PDE4DIP: variants seen among roughly 807,000 people sequenced by gnomAD.
PDE4DIP encodes phosphodiesterase 4D interacting protein.
PDE4DIP carries 59 observed loss-of-function variants against 221.4 expected under a neutral mutation model. The ratio of observed to expected loss-of-function variants is 0.27; its 90% CI spans 0.22 to 0.33. PDE4DIP has a LOEUF of 0.33. Ranked by LOEUF, PDE4DIP falls within the 10% of genes least tolerant of loss-of-function variation. The pLI, the probability that PDE4DIP is intolerant of heterozygous loss-of-function variation, is 1.00. For missense variants in PDE4DIP, 1,036 were observed against 2,154.2 expected (o/e 0.48, Z 10.28); for synonymous variants, 404 against 815.9 (o/e 0.50, Z 8.60).
chr1:148,918,654 CA>C (rs2044702690), intron 1 of PDE4DIP, among the ~76,000 whole-genome samples: 1 of 137,832 alleles, frequency 7.3e-6, no homozygotes, highest in Non-Finnish European at 1.6e-5. Context: ...CACACACACA[CA>C]CACCCTAGCT....
At chr1:149,005,152 G>T in exon 27 of PDE4DIP, 1 of 1,614,012 alleles carries the variant, frequency 6.2e-7, no homozygotes. Flanking sequence ...AACCTCAAGA[G>T]CCGGGTCCGG....
intron 2 of PDE4DIP, 85 bp downstream of exon 5, chr1:148,929,358 C>A: frequency 6.9e-7 from 1 of 1,445,098 alleles, no homozygotes; most frequent in South Asian, 1.3e-5. Flanking sequence ...AATTCCTTAA[C>A]CTATCTGTGG....
In PDE4DIP at chr1:148,818,323, G is replaced by A. The variant is rs1668291702; in HGVS notation, c.233+9586G>A. The stretch of plus-strand genomic sequence containing the variant: ...CACACATTAAACATTTTACATATTG[G>A]GTGTTAGATAGTTTTGCATTCCCAT... On this transcript the variant is annotated intron_variant, in intron 1 of 45. Coordinates refer to the PDE4DIP transcript ENST00000524974. Among the ~76,000 whole-genome samples, 2 of 94,986 alleles carry A rather than the reference G, an allele frequency of 2.1e-5. 1 individual carries two copies. Among genetic ancestry groups the A allele is most frequent in the African/African-American group, 9.9e-5 (2 of 20,106 alleles). The allele number at this position is 94,986 out of a possible 152,430, so 62.3% of individuals were successfully genotyped here.
chr1:148,960,733 C>T (rs2056722772), exon 6 of PDE4DIP: 1 of 533,616 alleles, frequency 1.9e-6, no homozygotes, highest in Non-Finnish European at 3.2e-6. Flanking sequence ...GTATCTGATT[C>T]CCACTTGGCA....
intron 5 of PDE4DIP, among the ~76,000 whole-genome samples, chr1:148,949,222 A>G (rs1379450458): frequency 2.0e-5 from 3 of 151,784 alleles, no homozygotes; most frequent in African/African-American, 7.3e-5. Flanking sequence ...AGTATGTAAT[A>G]CATAATGTAA....
At position 148,916,276 on chromosome 1, in the gene PDE4DIP, ACTC is replaced by A. The variant is rs1308166540; in HGVS notation, c.142-12918_142-12916del. Among the ~76,000 whole-genome samples, 11 of 99,978 alleles carry A rather than the reference ACTC, an allele frequency of 1.1e-4. No individual in the cohort carries two copies. In the Admixed American group the frequency reaches 1.3e-3, roughly 12 times the overall value. The allele number at this position is 99,978 out of a possible 152,430, so 65.6% of individuals were successfully genotyped here. A position where few individuals can be genotyped will look rare whatever the true frequency, so the allele number is the denominator to read the frequency against. ...TTCTTTTGTTGTAGTTAGTCTTTGA[ACTC>A]CTGTGCGTGCTAAGTCTGAAATCCT... On this transcript the variant is annotated intron_variant, in intron 1 of 43. Coordinates refer to ENST00000369354, the Ensembl canonical transcript of PDE4DIP.
Position 148,918,541 on chromosome 1 carries a change from T to C in PDE4DIP, c.142-10656T>C, listed in dbSNP as rs1212556930. Among the ~76,000 whole-genome samples, 478 of 129,806 alleles carry C rather than the reference T, an allele frequency of 3.7e-3. 5 individuals are homozygous for C. The highest frequency in any genetic ancestry group is 4.6e-3 in the Non-Finnish European group (279 of 61,024). The allele number at this position is 129,806 out of a possible 152,430, so 85.2% of individuals were successfully genotyped here. Reference sequence around the variant, plus strand: ...AGTATTTTATGAAAAAGCAAATGAATAAACAAATGATACTATCTCAGCTAC... The same window carrying C: ...AGTATTTTATGAAAAAGCAAATGAACAAACAAATGATACTATCTCAGCTAC... On this transcript the variant is annotated intron_variant, in intron 1 of 43. Transcript: ENST00000369354.
intron 1 of PDE4DIP, among the ~76,000 whole-genome samples, chr1:148,890,377 CTT>C (rs1250638755): frequency 6.6e-6 from 1 of 150,928 alleles, no homozygotes; most frequent in Admixed American, 6.6e-5. Flanking sequence ...GCCACCAACT[CTT>C]GGGCTCAAGT....
At chr1:148,821,018 A>C (rs1216145960) in intron 1 of PDE4DIP, among the ~76,000 whole-genome samples, 1 of 149,960 alleles carries the variant, frequency 6.7e-6, no homozygotes, top group Non-Finnish European at 1.5e-5. Flanking sequence ...CGCCCGGCTA[A>C]TTTTTCGTAT....
At chr1:149,020,644 C>G (rs1279582307) in intron 36 of PDE4DIP, 2 of 365,474 alleles carry the variant, frequency 5.5e-6, no homozygotes, top group Non-Finnish European at 1.0e-5. Context: ...AGATATAGGA[C>G]ATTAGTCTCA....
At chr1:149,018,061 A>G (rs1553613738) in intron 34 of PDE4DIP, among the ~76,000 whole-genome samples, 182 bp downstream of exon 37, 1 of 152,218 alleles carries the variant, frequency 6.6e-6, no homozygotes, top group Non-Finnish European at 1.5e-5. Context: ...TTAAGGCAGA[A>G]CTACGTCTGA....
At chr1:148,980,283 T>C (rs587595734) in intron 20 of PDE4DIP, among the ~76,000 whole-genome samples, 1 of 152,204 alleles carries the variant, frequency 6.6e-6, no homozygotes, top group African/African-American at 2.4e-5. Context: ...TCCCAGCTAC[T>C]CGGGAAGCTG....
intron 5 of PDE4DIP, among the ~76,000 whole-genome samples, chr1:148,944,732 G>T (rs1371439161): frequency 1.3e-5 from 2 of 151,324 alleles, no homozygotes; most frequent in African/African-American, 4.9e-5. Context: ...TTAGCCAGGT[G>T]TGGTGACGCG....
At chr1:148,892,351 A>C (rs1371932203) in intron 1 of PDE4DIP, among the ~76,000 whole-genome samples, 1 of 119,372 alleles carries the variant, frequency 8.4e-6, no homozygotes, top group Non-Finnish European at 1.7e-5. Context: ...ATTTGATCTC[A>C]CTCTCTGCTC....
intron 2 of PDE4DIP, chr1:148,866,608 GGGAGGGAGGGAGGGAGGGAGGGGGA>G: frequency 4.4e-4 from 18 of 41,194 alleles, no homozygotes; most frequent in Non-Finnish European, 8.2e-4. Flanking sequence ...AAGGAAGGAA[GGGAGGGAGGGAGGGAGGGAGGGGGA>G]AGGGAGGGGA....
chr1:148,830,505 C>T (rs113960096), intron 1 of PDE4DIP, among the ~76,000 whole-genome samples: 2 of 88,472 alleles, frequency 2.3e-5, no homozygotes, highest in Non-Finnish European at 2.4e-5. Context: ...TATACATGTG[C>T]CATGCTGGTG....
chr1:149,023,484 T>C (rs2073783433), intron 37 of PDE4DIP, among the ~76,000 whole-genome samples: 1 of 147,366 alleles, frequency 6.8e-6, no homozygotes, highest in Non-Finnish European at 1.5e-5. Context: ...CTTAGATCTC[T>C]TCATCCCCAG....
intron 22 of PDE4DIP, chr1:148,992,886 A>G: frequency 3.8e-6 from 4 of 1,061,912 alleles, no homozygotes; most frequent in Non-Finnish European, 3.4e-6. Context: ...TGTCTTCTGC[A>G]TAAGACAAAG....
exon 44 of PDE4DIP, chr1:149,032,444 T>A (rs1699761): frequency 9.7e-6 from 4 of 411,038 alleles, no homozygotes; most frequent in Middle Eastern, 6.9e-4. Flanking sequence ...AGCACACTAC[T>A]GAGCAGCGGT....
Sources: gnomAD v4.1 joint callset for allele counts (sites outside exome capture counted in the v4.1 genomes callset) on GRCh38, gnomAD v4.1.1 for gene constraint, MANE v1.5 for transcripts, NCBI Gene and HGNC (gene_info 2026-07-23, HGNC 2026-07-21) for gene names.